AGAP1: variants seen among roughly 807,000 people sequenced by gnomAD.
AGAP1 encodes arf-GAP with GTPase, ANK repeat and PH domain-containing protein 1.
In AGAP1, 29 loss-of-function variants were observed where a neutral mutation model predicts 105.3. The ratio of observed to expected loss-of-function variants is 0.28; its 90% CI spans 0.21 to 0.38. The LOEUF is 0.38. Among genes scored for constraint, AGAP1 ranks in the 10% least tolerant of loss-of-function variants. The pLI is 1.00. For synonymous variants in AGAP1, 509 were observed against 485.9 expected (o/e 1.05, Z -0.63); for missense variants, 998 against 1,165.1 (o/e 0.86, Z 2.09).
chr2:235,947,255 C>T (rs571782156), intron 12 of AGAP1, among the ~76,000 whole-genome samples: 38 of 152,244 alleles, frequency 2.5e-4, no homozygotes, highest in African/African-American at 8.2e-4. Context: ...GTCCCAAAGT[C>T]CATTGTATCA....
At chr2:235,563,861 C>A (rs1241899575) in intron 1 of AGAP1, among the ~76,000 whole-genome samples, 2 of 152,154 alleles carry the variant, frequency 1.3e-5, no homozygotes, top group Non-Finnish European at 1.5e-5. Flanking sequence ...GTCTTGTTAC[C>A]CTCTTTTACA....
intron 11 of AGAP1, among the ~76,000 whole-genome samples, chr2:235,924,514 G>A (rs1311028071): frequency 6.6e-6 from 1 of 152,198 alleles, no homozygotes; most frequent in Non-Finnish European, 1.5e-5. Context: ...AGAATAGGCG[G>A]CAGCTTCTGC....
intron 1 of AGAP1, among the ~76,000 whole-genome samples, chr2:235,558,865 TACC>T (rs2149131061): frequency 6.6e-6 from 1 of 152,242 alleles, no homozygotes; most frequent in East Asian, 1.9e-4. Context: ...GTGAAATCAT[TACC>T]ATAGCCTCAG....
intron 9 of AGAP1, among the ~76,000 whole-genome samples, chr2:235,832,135 C>A (rs115211368): frequency 5.3e-5 from 8 of 152,294 alleles, no homozygotes; most frequent in African/African-American, 1.9e-4. Context: ...TTCAGATCTT[C>A]TGCTCATTTT....
intron 1 of AGAP1, among the ~76,000 whole-genome samples, chr2:235,506,760 C>T (rs568503114): frequency 2.6e-5 from 4 of 152,300 alleles, no homozygotes; most frequent in African/African-American, 9.6e-5. Flanking sequence ...TTGTTTTCCT[C>T]ACTCACATCC....
chr2:236,120,898 T>G lies in AGAP1; in HGVS notation c.2370+451T>G, dbSNP rs376418634. Among the ~76,000 whole-genome samples the G allele has an allele frequency of 4.6e-5, 7 of 152,222 alleles. No homozygotes were observed. Among genetic ancestry groups the G allele is most frequent in the East Asian group, 3.8e-4 (2 of 5,200 alleles). On this transcript the variant is annotated intron_variant, in intron 17 of 17. Transcript: ENST00000304032. This position sits in a 1 kb window ranked among gnomAD's most constrained non-coding sequence, Gnocchi z 6.0. ...TCGAACCATTCTGATTAATTTCTAC[T>G]GGGGAAAAGTATTATTTACATTCCT...
intron 1 of AGAP1, among the ~76,000 whole-genome samples, chr2:235,518,044 A>G (rs1942467808): frequency 1.3e-5 from 2 of 152,120 alleles, no homozygotes; most frequent in African/African-American, 4.8e-5. Context: ...GAGAGGTGGA[A>G]GCTCAGGCAG....
rs1346353671 is a variant in AGAP1, at chr2:235,993,591, CTG to C, written c.1645+24969_1645+24970del. 1.3e-5 allele frequency among the ~76,000 whole-genome samples: 2 copies of C among 152,230 alleles called. No homozygotes were observed. The highest frequency in any genetic ancestry group is 2.9e-5 in the Non-Finnish European group (2 of 68,040). On this transcript the variant is annotated intron_variant, in intron 13 of 17. Transcript: ENST00000304032. This position sits in a 1 kb window ranked among gnomAD's most constrained non-coding sequence, Gnocchi z 5.0. ...CTTCCCAAAGTTCACATTGTGGAAA[CTG>C]AAGCCAGCAAGATACTGTGAAGGAA...
At position 235,708,742 on chromosome 2, in the gene AGAP1, A is replaced by G. The variant is rs144141965; in HGVS notation, c.164-437A>G. Among the ~76,000 whole-genome samples the G allele has an allele frequency of 3.0e-3, 450 of 152,306 alleles. 1 individual carries two copies. Among genetic ancestry groups the G allele is most frequent in the Non-Finnish European group, 5.4e-3 (364 of 68,022 alleles). ...TGTGTGGGATTTCAGAAAAATGACT[A>G]TTGTAGTAGACAAGCAAAAGACCAA... On this transcript the variant is annotated intron_variant, in intron 1 of 17. Transcript: ENST00000304032.
chr2:236,026,665 G>T (rs2057065931), intron 13 of AGAP1, among the ~76,000 whole-genome samples: 1 of 152,146 alleles, frequency 6.6e-6, no homozygotes, highest in Non-Finnish European at 1.5e-5. Context: ...GGAGGGGGAG[G>T]TTGCAGTGAG....
intron 1 of AGAP1, among the ~76,000 whole-genome samples, chr2:235,661,883 C>T (rs1385372601): frequency 6.6e-6 from 1 of 152,146 alleles, no homozygotes; most frequent in East Asian, 1.9e-4. Context: ...CAGGAGGCAG[C>T]TCTGAGTTGG....
chr2:235,630,612 A>G (rs780518307), intron 1 of AGAP1, among the ~76,000 whole-genome samples: 1 of 152,160 alleles, frequency 6.6e-6, no homozygotes, highest in South Asian at 2.1e-4. Context: ...CATCCATGTT[A>G]CTGGTAAGCT....
intron 15 of AGAP1, among the ~76,000 whole-genome samples, chr2:236,047,419 G>T (rs536814487): frequency 6.6e-6 from 1 of 151,836 alleles, no homozygotes; most frequent in African/African-American, 2.4e-5. Flanking sequence ...GGCCTCCTCT[G>T]TGTCCCCGCT....
chr2:235,533,817 CT>C, intron 1 of AGAP1, among the ~76,000 whole-genome samples: 1 of 152,372 alleles, frequency 6.6e-6, no homozygotes, highest in South Asian at 2.1e-4. Context: ...CCGCTGGCCC[CT>C]CTGTGCTGCA....
chr2:235,842,180 G>A lies in AGAP1; in HGVS notation c.1050+34849G>A, dbSNP rs140070605. On this transcript the variant is annotated intron_variant, in intron 9 of 17. Coordinates refer to ENST00000304032, the MANE Select transcript of AGAP1 (RefSeq NM_001037131.3). The surrounding 1 kb of genome is among the most constrained non-coding windows in gnomAD (Gnocchi z 5.3). ...TTCTTAGTTCTGGAGCACAGACTCC[G>A]TGCTCTGGAGCAAGAGTTCTTCACT... Among the ~76,000 whole-genome samples, 654 of 152,328 alleles carry A rather than the reference G, an allele frequency of 4.3e-3. 11 individuals are homozygous for A. The highest frequency in any genetic ancestry group is 0.035 in the Admixed American group (543 of 15,304).
At position 236,000,554 on chromosome 2, in the gene AGAP1, C is replaced by T. The variant is rs1277293544; in HGVS notation, c.1645+31931C>T. Among the ~76,000 whole-genome samples, 7 of 152,184 alleles carry T rather than the reference C, an allele frequency of 4.6e-5. No individual in the cohort carries two copies. The highest frequency in any genetic ancestry group is 2.0e-4 in the Admixed American group (3 of 15,288). ...ACCCCCCAAGCCTGTTCCTAGAAGGCCATGGCGCACCTGCTCTGTGCAGAG... is the reference window on the plus strand; with the variant it reads ...ACCCCCCAAGCCTGTTCCTAGAAGGTCATGGCGCACCTGCTCTGTGCAGAG... On this transcript the variant is annotated intron_variant, in intron 13 of 17. Coordinates refer to ENST00000304032, the MANE Select transcript of AGAP1 (RefSeq NM_001037131.3). The surrounding 1 kb of genome is among the most constrained non-coding windows in gnomAD (Gnocchi z 4.3).
chr2:236,070,287 C>T (rs957953365), intron 16 of AGAP1, among the ~76,000 whole-genome samples: 2 of 152,242 alleles, frequency 1.3e-5, no homozygotes, highest in African/African-American at 4.8e-5. Context: ...ACACCATGCT[C>T]ACCTACCCAG....
chr2:235,549,638 A>G lies in AGAP1; in HGVS notation c.163+54789A>G, dbSNP rs534957103. ...TCTTTAAAACTCCTTGGCACCATCTAATTTTTTAAAAATGAGCCTAATACT... is the reference window on the plus strand; with the variant it reads ...TCTTTAAAACTCCTTGGCACCATCTGATTTTTTAAAAATGAGCCTAATACT... On this transcript the variant is annotated intron_variant, in intron 1 of 17. Transcript: ENST00000304032. This position sits in a 1 kb window ranked among gnomAD's most constrained non-coding sequence, Gnocchi z 4.2. Among the ~76,000 whole-genome samples, 4 of 152,152 alleles carry G rather than the reference A, an allele frequency of 2.6e-5. No individual in the cohort carries two copies. The highest frequency in any genetic ancestry group is 2.0e-4 in the Admixed American group (3 of 15,276).
At chr2:235,863,322 A>C (rs963452692) in intron 9 of AGAP1, among the ~76,000 whole-genome samples, 9 of 152,272 alleles carry the variant, frequency 5.9e-5, no homozygotes, top group Non-Finnish European at 1.2e-4. Flanking sequence ...AGAAGAAATA[A>C]GTGAATCTGA....
Sources: gnomAD v4.1 joint callset for allele counts (sites outside exome capture counted in the v4.1 genomes callset) on GRCh38, gnomAD v4.1.1 for gene constraint, Gnocchi (gnomAD v3.1) non-coding constraint, MANE v1.5 for transcripts, NCBI Gene and HGNC (gene_info 2026-07-23, HGNC 2026-07-21) for gene names.